The following MSRB3 variants were observed in gnomAD, a reference collection of about 807,000 sequenced individuals.
MSRB3 encodes the protein methionine-R-sulfoxide reductase B3.
A neutral mutation model predicts 21.0 loss-of-function variants in MSRB3; 13 were observed. The ratio of observed to expected loss-of-function variants is 0.62; its 90% CI spans 0.40 to 0.98. The LOEUF is 0.98. Ranked by LOEUF, MSRB3 falls within the 50% of genes least tolerant of loss-of-function variation. The pLI is 0.00. For missense variants in MSRB3, 199 were observed against 230.3 expected (o/e 0.86, Z 0.88); for synonymous variants, 87 against 88.6 (o/e 0.98, Z 0.10).
intron 6 of MSRB3, among the ~76,000 whole-genome samples, chr12:65,455,755 G>GA (rs946793398): frequency 7.9e-5 from 12 of 151,766 alleles, no homozygotes; most frequent in African/African-American, 2.2e-4. Context: ...TTTTGTTTTT[G>GA]AAATGGGATC....
chr12:65,419,959 C>A, intron 5 of MSRB3: 2 of 569,806 alleles, frequency 3.5e-6, no homozygotes, highest in Non-Finnish European at 6.8e-6. Context: ...TAGCTGGGCA[C>A]CTGGATGGAG....
intron 5 of MSRB3, among the ~76,000 whole-genome samples, chr12:65,381,160 A>T (rs904416939): frequency 1.2e-4 from 18 of 152,212 alleles, no homozygotes; most frequent in Non-Finnish European, 2.2e-4. Context: ...GGAAGAGTTA[A>T]CTGGTTCTAG....
chr12:65,434,119 C>A (rs1258928795), intron 5 of MSRB3, among the ~76,000 whole-genome samples: 8 of 151,758 alleles, frequency 5.3e-5, no homozygotes, highest in Admixed American at 1.3e-4. Flanking sequence ...TCCATTTTTT[C>A]TTTTTTTGAA....
chr12:65,286,709 A>G (rs1408374810), intron 1 of MSRB3: 1 of 149,408 alleles, frequency 6.7e-6, no homozygotes, highest in Non-Finnish European at 1.5e-5. Context: ...ACATGGTAGA[A>G]TCTATTAAAA....
At chr12:65,407,106 A>G (rs1427726605) in intron 5 of MSRB3, among the ~76,000 whole-genome samples, 3 of 152,248 alleles carry the variant, frequency 2.0e-5, no homozygotes, top group Non-Finnish European at 4.4e-5. Context: ...GCATAAAAAC[A>G]GACACATAGG....
chr12:65,350,417 C>A (rs1472756896), intron 4 of MSRB3, among the ~76,000 whole-genome samples: 1 of 151,468 alleles, frequency 6.6e-6, no homozygotes, highest in Non-Finnish European at 1.5e-5. Flanking sequence ...CGAGCAAAAT[C>A]ACCAGCTAAC....
intron 5 of MSRB3, among the ~76,000 whole-genome samples, chr12:65,371,108 G>T (rs1032077275): frequency 6.6e-6 from 1 of 151,940 alleles, no homozygotes; most frequent in Non-Finnish European, 1.5e-5. Flanking sequence ...CAGGCAGATC[G>T]CAAGGTCAGG....
intron 1 of MSRB3, among the ~76,000 whole-genome samples, chr12:65,296,385 G>T (rs997223606): frequency 2.0e-5 from 3 of 152,206 alleles, no homozygotes; most frequent in Non-Finnish European, 4.4e-5. Flanking sequence ...CATAAGGGAA[G>T]TAAAACTCAC....
intron 4 of MSRB3, among the ~76,000 whole-genome samples, chr12:65,354,761 G>A (rs1035236559): frequency 6.6e-6 from 1 of 151,886 alleles, no homozygotes; most frequent in East Asian, 1.9e-4. Flanking sequence ...ATTTGAGTTG[G>A]CAATATTAGA....
intron 1 of MSRB3, among the ~76,000 whole-genome samples, 175 bp from the exon 2 acceptor site, chr12:65,308,354 T>G (rs1873780167): frequency 6.6e-6 from 1 of 152,176 alleles, no homozygotes; most frequent in Non-Finnish European, 1.5e-5. Context: ...AAGGTACAAA[T>G]AAAGCTAGAT....
intron 5 of MSRB3, among the ~76,000 whole-genome samples, chr12:65,378,244 G>C (rs1878743159): frequency 6.6e-6 from 1 of 152,120 alleles, no homozygotes; most frequent in African/African-American, 2.4e-5. Flanking sequence ...CTAACCTGAA[G>C]ATGATCCTTT....
intron 1 of MSRB3, among the ~76,000 whole-genome samples, chr12:65,289,149 G>T (rs572584267): frequency 6.6e-5 from 10 of 152,130 alleles, no homozygotes; most frequent in Non-Finnish European, 1.2e-4. Context: ...TTTTATCATA[G>T]ATGTATGTCT....
intron 5 of MSRB3, among the ~76,000 whole-genome samples, chr12:65,383,244 C>T (rs1321241710): frequency 1.3e-5 from 2 of 152,182 alleles, no homozygotes; most frequent in Non-Finnish European, 2.9e-5. Flanking sequence ...TCTGATTGAG[C>T]TTTGTGCATT....
intron 2 of MSRB3, among the ~76,000 whole-genome samples, chr12:65,318,939 G>A (rs893022072): frequency 2.0e-5 from 3 of 152,032 alleles, no homozygotes; most frequent in African/African-American, 7.2e-5. Context: ...AGTAAAATGT[G>A]GCTTCTATCG....
At chr12:65,447,512 A>G (rs1168862551) in intron 5 of MSRB3, among the ~76,000 whole-genome samples, 1 of 152,168 alleles carries the variant, frequency 6.6e-6, no homozygotes, top group Non-Finnish European at 1.5e-5. Flanking sequence ...AATAATGTGA[A>G]AAAATAAGTT....
At chr12:65,300,655 T>A (rs1234090301) in intron 1 of MSRB3, among the ~76,000 whole-genome samples, 1 of 152,230 alleles carries the variant, frequency 6.6e-6, no homozygotes, top group Non-Finnish European at 1.5e-5. Context: ...TTGGAACAAA[T>A]AGCCCCCAAA....
At chr12:65,381,426 C>T (rs1312917440) in intron 5 of MSRB3, among the ~76,000 whole-genome samples, 1 of 152,240 alleles carries the variant, frequency 6.6e-6, no homozygotes, top group East Asian at 1.9e-4. Flanking sequence ...CTACATTCAA[C>T]TGCAATGTGT....
intron 1 of MSRB3, among the ~76,000 whole-genome samples, chr12:65,287,674 C>G (rs1872448959): frequency 6.6e-6 from 1 of 152,240 alleles, no homozygotes; most frequent in East Asian, 1.9e-4. Flanking sequence ...AAAAAGTGCA[C>G]TGTAGTCCCC....
chr12:65,458,061 G>A (rs1213716442), intron 6 of MSRB3, among the ~76,000 whole-genome samples: 1 of 152,188 alleles, frequency 6.6e-6, no homozygotes, highest in African/African-American at 2.4e-5. Flanking sequence ...GATGTGTTAT[G>A]TGGTGTATTT....
Sources: allele counts gnomAD v4.1 joint callset (sites outside exome capture counted in the v4.1 genomes callset), GRCh38; gene constraint gnomAD v4.1.1; transcripts MANE v1.5; gene names NCBI Gene and HGNC (gene_info 2026-07-23, HGNC 2026-07-21).